Variants in NALF1 observed in about 807,000 individuals in gnomAD.
NALF1 encodes NALCN channel auxiliary factor 1.
In NALF1, 3 loss-of-function variants were observed where a neutral mutation model predicts 48.4. That is an observed-to-expected ratio of 0.06 (90% CI 0.03 to 0.16). The LOEUF (loss-of-function observed/expected upper bound fraction) is 0.16. Among genes scored for constraint, NALF1 ranks in the 10% least tolerant of loss-of-function variants. The probability of loss-of-function intolerance (pLI) is 1.00; values close to 1 mark genes in which losing one functional copy is unlikely to be tolerated. For synonymous variants in NALF1, 262 were observed against 245.7 expected, an observed-to-expected ratio of 1.07 and a Z score of -0.62; for missense variants, 526 against 571.5, an observed-to-expected ratio of 0.92 and a Z score of 0.81.
At position 107,210,772 on chromosome 13, in the gene NALF1, A is replaced by G. The variant is rs138963049; in HGVS notation, c.916-17T>C. ...GTAGACAATCTGAAAAAAAGAGAAG[A>G]ATGAAAAATATAGAGGCGTGACAAC... On this transcript the variant is annotated splice_polypyrimidine_tract_variant and intron_variant, in intron 1 of 2. Coordinates refer to ENST00000375915, the MANE Select transcript of NALF1 (RefSeq NM_001080396.3). 1 of 1,593,580 alleles carries G rather than the reference A, an allele frequency of 6.3e-7. No individual in the cohort carries two copies. The highest frequency in any genetic ancestry group is 8.6e-7 in the Non-Finnish European group (1 of 1,161,788).
chr13:107,226,518 C>G (rs940440295), intron 1 of NALF1, among the ~76,000 whole-genome samples: 1 of 152,150 alleles, frequency 6.6e-6, no homozygotes, highest in African/African-American at 2.4e-5. Context: ...CACTGTGGAA[C>G]AAAATGAGTA....
chr13:107,525,154 T>C (rs1263391708), intron 1 of NALF1, among the ~76,000 whole-genome samples: 1 of 152,108 alleles, frequency 6.6e-6, no homozygotes, highest in Non-Finnish European at 1.5e-5. Context: ...TTTGACTTTC[T>C]TAGTGTGTAT....
At chr13:107,747,715 G>A (rs749042311) in intron 1 of NALF1, among the ~76,000 whole-genome samples, 5 of 152,124 alleles carry the variant, frequency 3.3e-5, no homozygotes, top group East Asian at 1.9e-4. Context: ...ATAAGGCTTC[G>A]ATAAAGAATT....
intron 1 of NALF1, among the ~76,000 whole-genome samples, chr13:107,236,928 T>C (rs1009477803): frequency 6.6e-6 from 1 of 152,170 alleles, no homozygotes; most frequent in African/African-American, 2.4e-5. Context: ...TTGAGTATTA[T>C]AAGTAACCTG....
At chr13:107,274,581 A>G (rs12429771) in intron 1 of NALF1, among the ~76,000 whole-genome samples, 59,073 of 151,894 alleles carry the variant, frequency 0.39, 12,746 homozygotes, top group South Asian at 0.63. Context: ...TAAATTAATT[A>G]ATTTAAAAAA....
At chr13:107,297,388 A>T (rs1881746610) in intron 1 of NALF1, among the ~76,000 whole-genome samples, 1 of 152,216 alleles carries the variant, frequency 6.6e-6, no homozygotes, top group Admixed American at 6.5e-5. Flanking sequence ...CAATTAATTT[A>T]TGTCTGAGTC....
rs1316274479 is a variant in NALF1 at position 107,166,399 on chromosome 13, A to G, written c.*4098T>C. 2 of 152,250 alleles carry G rather than the reference A, an allele frequency of 1.3e-5. No individual in the cohort carries two copies. The highest frequency in any genetic ancestry group is 2.9e-5 in the Non-Finnish European group (2 of 68,070). The allele number at this position is 152,250 out of a possible 1,614,324, so 9.4% of individuals were successfully genotyped here. On this transcript the variant is annotated 3_prime_UTR_variant, in exon 3 of 3. Transcript: ENST00000375915. The stretch of plus-strand genomic sequence containing the variant: ...CTTGCCGCTGCATTCCAGCTTGAGC[A>G]ACAGAGCAAGATGCCATCTCAAAAA...
intron 1 of NALF1, among the ~76,000 whole-genome samples, chr13:107,408,052 A>C (rs948542747): frequency 6.6e-5 from 10 of 152,072 alleles, no homozygotes; most frequent in Non-Finnish European, 1.5e-4. Context: ...CTAAAAATTA[A>C]AATAAAATAA....
rs1006180083 is a variant in NALF1 at position 107,167,377 on chromosome 13, A to G, written c.*3120T>C. The G allele has an allele frequency of 3.3e-5, 5 of 152,204 alleles. No individual in the cohort carries two copies. Among genetic ancestry groups the G allele is most frequent in the East Asian group, 1.9e-4 (1 of 5,190 alleles). The allele number at this position is 152,204 out of a possible 1,614,324, so 9.4% of individuals were successfully genotyped here. On this transcript the variant is annotated 3_prime_UTR_variant, in exon 3 of 3. Transcript: ENST00000375915. ...TGTGCCAGGAAAACTACTACAAAGA[A>G]TCAACGGATGTAGTGAAATCTGCAT...
chr13:107,261,487 C>A lies in NALF1; in HGVS notation c.916-50732G>T, dbSNP rs113402017. Reference sequence around the variant, plus strand: ...ACTCATGTACTTTGGGAGAAGCTGCCCCCGTCCTCAAATCCTGATGATGGT... The same window carrying A: ...ACTCATGTACTTTGGGAGAAGCTGCACCCGTCCTCAAATCCTGATGATGGT... On this transcript the variant is annotated intron_variant, in intron 1 of 2. Transcript: ENST00000375915. 3.6e-3 allele frequency among the ~76,000 whole-genome samples: 546 copies of A among 152,256 alleles called. 3 individuals carry two copies. Among genetic ancestry groups the A allele is most frequent in the African/African-American group, 0.012 (505 of 41,552 alleles).
At chr13:107,841,301 G>A (rs1296676417) in intron 1 of NALF1, among the ~76,000 whole-genome samples, 2 of 152,116 alleles carry the variant, frequency 1.3e-5, no homozygotes, top group African/African-American at 4.8e-5. Flanking sequence ...TGGCTAAAGA[G>A]CTTGCATGAA....
intron 2 of NALF1, among the ~76,000 whole-genome samples, chr13:107,207,013 T>C (rs749194391): frequency 6.6e-6 from 1 of 152,178 alleles, no homozygotes; most frequent in Non-Finnish European, 1.5e-5. Context: ...TAGTGAGAAA[T>C]GATTGCATTT....
chr13:107,226,605 C>T (rs1165632446), intron 1 of NALF1, among the ~76,000 whole-genome samples: 1 of 152,138 alleles, frequency 6.6e-6, no homozygotes, highest in Non-Finnish European at 1.5e-5. Flanking sequence ...GGGTTTCTGA[C>T]TTTTTATAAC....
At chr13:107,457,204 T>C (rs928722654) in intron 1 of NALF1, among the ~76,000 whole-genome samples, 1 of 152,150 alleles carries the variant, frequency 6.6e-6, no homozygotes. Context: ...TTTAAAGTTT[T>C]TACTTTAAAT....
intron 1 of NALF1, among the ~76,000 whole-genome samples, chr13:107,861,570 G>A (rs1199618636): frequency 3.3e-5 from 5 of 152,178 alleles, no homozygotes; most frequent in African/African-American, 7.2e-5. Context: ...AGATCACGAG[G>A]TCAGGAGATC....
At chr13:107,524,266 G>A (rs766904607) in intron 1 of NALF1, among the ~76,000 whole-genome samples, 22 of 151,988 alleles carry the variant, frequency 1.4e-4, no homozygotes, top group African/African-American at 2.4e-4. Flanking sequence ...TGAAGATGTT[G>A]GAAAAGTCAA....
intron 1 of NALF1, among the ~76,000 whole-genome samples, chr13:107,581,158 G>A (rs1288974466): frequency 6.6e-6 from 1 of 152,184 alleles, no homozygotes; most frequent in East Asian, 1.9e-4. Flanking sequence ...TTTTGATTCA[G>A]CTAAGGCAAG....
Position 107,567,548 on chromosome 13 carries a change from T to G in NALF1, c.915+298134A>C, listed in dbSNP as rs192128935. On this transcript the variant is annotated intron_variant, in intron 1 of 2. Transcript: ENST00000375915. Reference sequence around the variant, plus strand: ...CTACTCAGAGAAATCTTGTACATATTTTCTACAACTAAGGTAAAATTCAAA... The same window carrying G: ...CTACTCAGAGAAATCTTGTACATATGTTCTACAACTAAGGTAAAATTCAAA... 1.6e-4 allele frequency among the ~76,000 whole-genome samples: 24 copies of G among 152,338 alleles called. No individual in the cohort carries two copies. In the East Asian group the frequency reaches 2.7e-3, roughly 17 times the overall value.
chr13:107,314,051 A>G (rs1285267752), intron 1 of NALF1, among the ~76,000 whole-genome samples: 1 of 152,122 alleles, frequency 6.6e-6, no homozygotes, highest in Non-Finnish European at 1.5e-5. Context: ...CACAATAACT[A>G]CAACTTAAAA....
Sources: allele counts gnomAD v4.1 joint callset (sites outside exome capture counted in the v4.1 genomes callset), GRCh38; gene constraint gnomAD v4.1.1; transcripts MANE v1.5; gene names NCBI Gene and HGNC (gene_info 2026-07-23, HGNC 2026-07-21).